PRPF31: variants seen among roughly 807,000 people sequenced by gnomAD.
The protein encoded by PRPF31 is pre-mRNA processing factor 31.
A neutral mutation model predicts 60.4 loss-of-function variants in PRPF31; 12 were observed. The ratio of observed to expected loss-of-function variants is 0.20; its 90% CI spans 0.13 to 0.32. The LOEUF (loss-of-function observed/expected upper bound fraction) is 0.32. Ranked by LOEUF, PRPF31 falls within the 10% of genes least tolerant of loss-of-function variation. The pLI is 1.00. For missense variants in PRPF31, 431 were observed against 687.1 expected (o/e 0.63, Z 4.17); for synonymous variants, 287 against 287.9 (o/e 1.00, Z 0.03).
intron 8 of PRPF31, 40 bp from the exon 9 acceptor site, chr19:54,126,488 T>C (rs1392791942): frequency 6.3e-6 from 10 of 1,589,008 alleles, no homozygotes; most frequent in Non-Finnish European, 6.9e-6. Context: ...TCTGTCTGTC[T>C]GTCTCACACA....
chr19:54,131,301 GC>G lies in PRPF31; in HGVS notation c.1375-3del, dbSNP rs1309559100. The G allele has an allele frequency of 2.5e-6, 4 of 1,613,810 alleles. No homozygotes were observed. In the South Asian group the frequency reaches 3.3e-5, roughly 13 times the overall value. On this transcript the variant is annotated splice_region_variant and splice_polypyrimidine_tract_variant and intron_variant, in intron 13 of 13. Coordinates refer to ENST00000321030, the MANE Select transcript of PRPF31 (RefSeq NM_015629.4). ...ACCCATCATCCTCTCTCCCTCACCTGCCCAGGGCCTGGAGATTGTGAACCCA... is the reference window on the plus strand; with the variant it reads ...ACCCATCATCCTCTCTCCCTCACCTGCCAGGGCCTGGAGATTGTGAACCCA...
chr19:54,118,841 G>C (rs750024331), intron 3 of PRPF31: 4 of 608,416 alleles, frequency 6.6e-6, no homozygotes, highest in Non-Finnish European at 1.2e-5. Context: ...CCTGTGTGCT[G>C]AGCTTACTGA....
Position 54,121,958 on chromosome 19 carries a change from G to A in PRPF31, c.322+15G>A, listed in dbSNP as rs1234080734. Reference sequence around the variant, plus strand: ...AAACGAGCTGAGTGAGTGCTGGGGGGCAGGCGGAGACAGCCCCGTGTGACG... The same window carrying A: ...AAACGAGCTGAGTGAGTGCTGGGGGACAGGCGGAGACAGCCCCGTGTGACG... On this transcript the variant is annotated intron_variant, in intron 4 of 13. Transcript: ENST00000321030. 1.2e-6 allele frequency: 2 copies of A among 1,606,504 alleles called. No individual in the cohort carries two copies. The highest frequency in any genetic ancestry group is 2.7e-5 in the African/African-American group (2 of 74,796).
In PRPF31 at chr19:54,130,490, TGGC is replaced by T. The variant is rs2074025540; in HGVS notation, c.1375-814_1375-812del. On this transcript the variant is annotated intron_variant, in intron 13 of 13. Coordinates refer to ENST00000321030, the MANE Select transcript of PRPF31 (RefSeq NM_015629.4). ...AATACAAAAACTTAGCCGGGCGTGGTGGCGGGCGCCTGTAGTCCCAGCTACTTG... is the reference window on the plus strand; with the variant it reads ...AATACAAAAACTTAGCCGGGCGTGGTGGGCGCCTGTAGTCCCAGCTACTTG... Among the ~76,000 whole-genome samples, 8 of 152,170 alleles carry T rather than the reference TGGC, an allele frequency of 5.3e-5. No individual in the cohort carries two copies. In the South Asian group the frequency reaches 1.7e-3, roughly 32 times the overall value.
intron 9 of PRPF31, among the ~76,000 whole-genome samples, chr19:54,127,317 T>C (rs2073945083): frequency 6.6e-6 from 1 of 152,160 alleles, no homozygotes; most frequent in African/African-American, 2.4e-5. Context: ...CCTCCCTCTG[T>C]CTGCGGAGCC....
At chr19:54,118,118 C>T (rs1368744880) in intron 1 of PRPF31, 153 bp from the exon 2 acceptor site, 2 of 1,114,002 alleles carry the variant, frequency 1.8e-6, no homozygotes, top group Non-Finnish European at 2.7e-6. Flanking sequence ...CGCCAGTGAA[C>T]AAAACAAACT....
At position 54,129,326 on chromosome 19, in the gene PRPF31, C is replaced by T. The variant is rs2073999981; in HGVS notation, c.1330C>T (p.Arg444Cys). The change falls in exon 13 of 14, where the codon CGC (arginine) becomes TGC (cysteine). Residue 444 changes from arginine to cysteine, a missense_variant. Arg to Cys is a radical substitution (Grantham distance 180). Coordinates refer to ENST00000321030, the MANE Select transcript of PRPF31 (RefSeq NM_015629.4). ...VYGGKSTIRD[R>C]SSGTASSVAF... ...TGGCGGGAAGTCCACCATCCGCGACCGCTCCTCGGGCACGGCCTCCAGCGT... is the reference window on the plus strand; with the variant it reads ...TGGCGGGAAGTCCACCATCCGCGACTGCTCCTCGGGCACGGCCTCCAGCGT... The T allele has an allele frequency of 1.9e-6, 3 of 1,606,078 alleles. No homozygotes were observed. Among genetic ancestry groups the T allele is most frequent in the Non-Finnish European group, 1.7e-6 (2 of 1,177,052 alleles).
chr19:54,128,512 C>CG, intron 11 of PRPF31, 135 bp downstream of exon 11: 2 of 929,836 alleles, frequency 2.2e-6, no homozygotes, highest in Non-Finnish European at 1.7e-6. Context: ...TCCCCCCCCC[C>CG]GGCCTCTATT....
intron 8 of PRPF31, chr19:54,125,127 A>T (rs1458402664): frequency 3.5e-5 from 8 of 227,322 alleles, no homozygotes; most frequent in Non-Finnish European, 6.2e-5. Flanking sequence ...CCAACCTCGG[A>T]GCTTCCCGGG....
At chr19:54,124,681 T>G in intron 8 of PRPF31, 25 bp downstream of exon 8, 1 of 1,606,626 alleles carries the variant, frequency 6.2e-7, no homozygotes, top group South Asian at 1.1e-5. Flanking sequence ...TCATGGCCCC[T>G]CCCCCGGCCC....
Position 54,124,552 on chromosome 19 carries a change from C to T in PRPF31, c.751C>T (p.Leu251=), listed in dbSNP as rs2073873745. 6.2e-7 allele frequency: 1 copy of T among 1,612,546 alleles called. No individual in the cohort carries two copies. Residue 251 remains leucine, a synonymous_variant, in exon 8 of 14, where the codon CTG becomes TTG. Transcript: ENST00000321030. ...LSKMPACNIM[L]LGAQRKTLSG... is the part of the protein sequence containing the mutation. ...CAAGATGCCCGCCTGCAACATCATG[C>T]TGCTCGGGGCCCAGCGCAAGACGCT...
intron 8 of PRPF31, 144 bp downstream of exon 8, chr19:54,124,800 C>G: frequency 1.0e-6 from 1 of 992,444 alleles, no homozygotes; most frequent in Non-Finnish European, 1.5e-6. Context: ...GACGTGAGAG[C>G]CAGGGCTCTG....
intron 5 of PRPF31, 179 bp from the exon 6 acceptor site, chr19:54,123,275 G>A (rs946047443): frequency 8.5e-5 from 56 of 659,794 alleles, no homozygotes; most frequent in East Asian, 6.2e-4. Flanking sequence ...GATGCTTGAC[G>A]TGGTGGAGGC....
rs753445887 is a variant in PRPF31, at chr19:54,118,312, G to A, written c.34G>A (p.Glu12Lys). The change falls in exon 2 of 14, where the codon GAA (glutamate) becomes AAA (lysine). Residue 12 changes from glutamate to lysine, a missense_variant. Transcript: ENST00000321030. ...GGCAGATGAGCTCTTAGCTGATCTC[G>A]AAGAGGCAGCAGAAGAGGAGGAAGG... ...SLADELLADLEEAAEEEEGGS... is the reference protein window; with the variant it reads ...SLADELLADLKEAAEEEEGGS... The A allele has an allele frequency of 1.2e-6, 2 of 1,613,698 alleles. No homozygotes were observed. The highest frequency in any genetic ancestry group is 1.7e-6 in the Non-Finnish European group (2 of 1,180,034).
chr19:54,118,626 T>G lies in PRPF31; in HGVS notation c.231T>G (p.Ala77=). The G allele has an allele frequency of 6.2e-7, 1 of 1,614,066 alleles. No individual in the cohort carries two copies. The highest frequency in any genetic ancestry group is 8.5e-7 in the Non-Finnish European group (1 of 1,180,012). ...AGTATATCAGCAAGCAAGCCAAAGC[T>G]TCAGAAGGTGCTTCCTCCCACTCTG... The part of the protein sequence containing the change: ...IEEYISKQAK[A]SEVMGPVEAA... The change falls in exon 3 of 14, where the codon GCT becomes GCG. Residue 77 remains alanine (A), a synonymous_variant. Transcript: ENST00000321030.
Position 54,124,636 on chromosome 19 carries a change from A to G in PRPF31, c.835A>G (p.Ile279Val). Residue 279 changes from isoleucine to valine, a missense_variant, in exon 8 of 14, where the codon ATC becomes GTC. By Grantham distance (29) the Ile-to-Val change is conservative. Transcript: ENST00000321030. ...CACCGGCTACATCTACCACAGTGAC[A>G]TCGTGCAGTCCCTGCCACCGGTGAG... ...PHTGYIYHSD[I>V]VQSLPPDLRR... The G allele has an allele frequency of 6.2e-7, 1 of 1,613,204 alleles. No homozygotes were observed. Among genetic ancestry groups the G allele is most frequent in the South Asian group, 1.1e-5 (1 of 91,074 alleles).
rs587665837 is a variant in PRPF31, at chr19:54,125,719, C to T, written c.856-809C>T. 1.2e-4 allele frequency among the ~76,000 whole-genome samples: 18 copies of T among 152,220 alleles called. 1 individual carries two copies. The South Asian group carries it at 2.1e-3, about 18-fold the overall frequency. On this transcript the variant is annotated intron_variant, in intron 8 of 13. Transcript: ENST00000321030. ...GGGGTTTTTTTTGTGGTCTTTTCTGCGACCCTTTAGGTCAGGCACTGCTAC... is the reference window on the plus strand; with the variant it reads ...GGGGTTTTTTTTGTGGTCTTTTCTGTGACCCTTTAGGTCAGGCACTGCTAC...
intron 1 of PRPF31, among the ~76,000 whole-genome samples, chr19:54,116,092 G>C (rs1207020788): frequency 6.6e-6 from 1 of 151,198 alleles, no homozygotes. Context: ...TAGTAGAGAC[G>C]GGGTTTCCCC....
At chr19:54,130,863 T>C (rs2074034102) in intron 13 of PRPF31, among the ~76,000 whole-genome samples, 1 of 152,132 alleles carries the variant, frequency 6.6e-6, no homozygotes, top group African/African-American at 2.4e-5. Flanking sequence ...TGGGTCCTGT[T>C]ATTATTTTTA....
Sources: gnomAD v4.1 joint callset for allele counts (sites outside exome capture counted in the v4.1 genomes callset) on GRCh38, gnomAD v4.1.1 for gene constraint, MANE v1.5 for transcripts, NCBI Gene and HGNC (gene_info 2026-07-23, HGNC 2026-07-21) for gene names.